The following REG4 variants were observed in gnomAD, a reference collection of about 807,000 sequenced individuals.
REG4 encodes regenerating family member 4.
Under a neutral mutation model 22.3 loss-of-function variants are expected in REG4, and 16 were observed. The observed-to-expected ratio is 0.72, with a 90% confidence interval of 0.49 to 1.09. The LOEUF is 1.09. Among genes scored for constraint, REG4 ranks in the 50% least tolerant of loss-of-function variants. The pLI is 0.00. For synonymous variants in REG4, 71 were observed against 69.2 expected (o/e 1.03, Z -0.13); for missense variants, 214 against 193.9 (o/e 1.10, Z -0.61).
chr1:119,796,889 A>T (rs149267649), intron 5 of REG4, among the ~76,000 whole-genome samples: 1 of 152,218 alleles, frequency 6.6e-6, no homozygotes, highest in South Asian at 2.1e-4. Flanking sequence ...ACTTTGTCCA[A>T]TGGGAATGTC....
At chr1:119,810,520 G>A in intron 1 of REG4, among the ~76,000 whole-genome samples, 1 of 152,128 alleles carries the variant, frequency 6.6e-6, no homozygotes, top group East Asian at 1.9e-4. Flanking sequence ...GTGTGGATGT[G>A]ACCTTCCCCA....
At chr1:119,795,847 C>A (rs1164736635) in intron 5 of REG4, among the ~76,000 whole-genome samples, 1 of 152,262 alleles carries the variant, frequency 6.6e-6, no homozygotes, top group Admixed American at 6.5e-5. Flanking sequence ...GAATACGGCA[C>A]AAGGCCATGG....
At chr1:119,801,470 A>G (rs1390591404) in intron 3 of REG4, 1 of 152,302 alleles carries the variant, frequency 6.6e-6, no homozygotes, top group Non-Finnish European at 1.5e-5. Flanking sequence ...TGCCCACTCT[A>G]TACCAGCCAC....
chr1:119,796,707 T>G (rs976998002), intron 5 of REG4, among the ~76,000 whole-genome samples: 2 of 152,164 alleles, frequency 1.3e-5, no homozygotes, highest in Non-Finnish European at 2.9e-5. Flanking sequence ...GAGCCTGTGT[T>G]CTGACAGCCA....
intron 2 of REG4, among the ~76,000 whole-genome samples, chr1:119,806,345 G>T (rs587762782): frequency 1.3e-5 from 2 of 152,200 alleles, no homozygotes; most frequent in East Asian, 1.9e-4. Flanking sequence ...TTATTCCTAC[G>T]TTCCAGATGA....
intron 2 of REG4, among the ~76,000 whole-genome samples, 190 bp downstream of exon 2, chr1:119,808,513 A>C (rs1654394419): frequency 6.6e-6 from 1 of 152,234 alleles, no homozygotes. Context: ...TTATAATCAT[A>C]TGGAATTGAG....
chr1:119,805,176 A>C (rs1304466123), intron 2 of REG4, among the ~76,000 whole-genome samples: 1 of 152,240 alleles, frequency 6.6e-6, no homozygotes, highest in Admixed American at 6.5e-5. Flanking sequence ...CAGGAGGAAA[A>C]GAAATCCTTG....
At chr1:119,806,956 C>T (rs924112317) in intron 2 of REG4, among the ~76,000 whole-genome samples, 4 of 152,204 alleles carry the variant, frequency 2.6e-5, no homozygotes, top group Non-Finnish European at 5.9e-5. Flanking sequence ...GTGATTAGCA[C>T]AGAGCCTAGT....
rs779238248 is a variant in REG4, at chr1:119,794,597, A to T, written c.*21T>A. The T allele has an allele frequency of 6.2e-7, 1 of 1,607,684 alleles. No individual in the cohort carries two copies. The highest frequency in any genetic ancestry group is 8.5e-7 in the Non-Finnish European group (1 of 1,174,038). On this transcript the variant is annotated 3_prime_UTR_variant, in exon 6 of 6. Transcript: ENST00000256585. Reference sequence around the variant, plus strand: ...AAGAGGACGGGGCTGTGCAGGAGTTAGCAGAATCTTGATTCTTGCTCTATG... The same window carrying T: ...AAGAGGACGGGGCTGTGCAGGAGTTTGCAGAATCTTGATTCTTGCTCTATG...
Position 119,799,852 on chromosome 1 carries a change from T to C in REG4, c.176A>G (p.Gln59Arg), listed in dbSNP as rs1422986901. Reference sequence around the variant, plus strand: ...CAGGTGGGCTCCGTTTCCGTAAGACTGACACTCGAGCTATGTACAAGGAGA... The same window carrying C: ...CAGGTGGGCTCCGTTTCCGTAAGACCGACACTCGAGCTATGTACAAGGAGA... ...RNWSDAELEC[Q>R]SYGNGAHLAS... Residue 59 changes from glutamine to arginine, a missense_variant, in exon 4 of 6, where the codon CAG becomes CGG. Physicochemically the swap from Gln to Arg is conservative, Grantham distance 43 (BLOSUM62 1). Coordinates refer to ENST00000256585, the MANE Select transcript of REG4 (RefSeq NM_032044.4). The C allele has an allele frequency of 2.5e-6, 4 of 1,614,046 alleles. No homozygotes were observed. Among genetic ancestry groups the C allele is most frequent in the Admixed American group, 3.3e-5 (2 of 60,036 alleles).
intron 5 of REG4, among the ~76,000 whole-genome samples, chr1:119,795,675 G>T (rs773295819): frequency 6.6e-6 from 1 of 152,218 alleles, no homozygotes; most frequent in Non-Finnish European, 1.5e-5. Flanking sequence ...ACCCTGGGGA[G>T]AGGAGGGGGT....
At chr1:119,798,414 C>T (rs1043164885) in intron 5 of REG4, 83 bp downstream of exon 5, 3 of 1,060,090 alleles carry the variant, frequency 2.8e-6, no homozygotes, top group Non-Finnish European at 4.4e-6. Flanking sequence ...GCAGTGGTCC[C>T]CTGTGCCTAT....
rs1654402668 is a variant in REG4, at chr1:119,808,740, T to TA, written c.29dup (p.Leu11IlefsTer13). 1 of 1,613,886 alleles carries TA rather than the reference T, an allele frequency of 6.2e-7. No homozygotes were observed. The highest frequency in any genetic ancestry group is 1.3e-5 in the African/African-American group (1 of 74,922). The stretch of plus-strand genomic sequence containing the variant: ...CTGTTTTGGCCAGGCAGCTCAGCAA[T>TA]AGGAGCAGCCGCATGCTTCTGGAAG... On this transcript the variant is annotated frameshift_variant, in exon 2 of 6. Transcript: ENST00000256585. LOFTEE classifies it high-confidence loss of function.
intron 2 of REG4, among the ~76,000 whole-genome samples, chr1:119,807,068 GT>G (rs1654342697): frequency 6.6e-6 from 1 of 152,188 alleles, no homozygotes; most frequent in South Asian, 2.1e-4. Flanking sequence ...GCCAGATGAA[GT>G]TTTTTAGTGT....
At chr1:119,795,329 G>T (rs779527116) in intron 5 of REG4, among the ~76,000 whole-genome samples, 3 of 152,174 alleles carry the variant, frequency 2.0e-5, no homozygotes, top group African/African-American at 4.8e-5. Context: ...ATGCAGTGAG[G>T]ATCTGAGTGT....
Position 119,794,647 on chromosome 1 carries a change from G to C in REG4, c.448C>G (p.Gln150Glu), listed in dbSNP as rs1418577769. Residue 150 changes from glutamine (Q) to glutamate (E), a missense_variant, in exon 6 of 6, where the codon CAA (glutamine) becomes GAA (glutamate). Transcript: ENST00000256585. ...TWSSNECNKR[Q>E]HFLCKYRP ...GGTCGGTACTTGCACAGGAAGTGTTGGCGCTTGTTGCATTCGTTGCTGCTC... is the reference window on the plus strand; with the variant it reads ...GGTCGGTACTTGCACAGGAAGTGTTCGCGCTTGTTGCATTCGTTGCTGCTC... 4.3e-6 allele frequency: 7 copies of C among 1,614,022 alleles called. No individual in the cohort carries two copies. Among genetic ancestry groups the C allele is most frequent in the African/African-American group, 1.3e-5 (1 of 74,916 alleles).
At chr1:119,806,771 A>G (rs1174241737) in intron 2 of REG4, among the ~76,000 whole-genome samples, 2 of 152,222 alleles carry the variant, frequency 1.3e-5, no homozygotes, top group Admixed American at 6.5e-5. Context: ...AGCTTCTAGC[A>G]TCTTGCCTGG....
intron 5 of REG4, among the ~76,000 whole-genome samples, chr1:119,796,839 T>C (rs1653950308): frequency 6.6e-6 from 1 of 152,208 alleles, no homozygotes; most frequent in Non-Finnish European, 1.5e-5. Context: ...ATTTTGCTGA[T>C]GTGATCATCG....
chr1:119,794,960 A>T (rs1653892773), intron 5 of REG4, among the ~76,000 whole-genome samples: 1 of 152,174 alleles, frequency 6.6e-6, no homozygotes, highest in South Asian at 2.1e-4. Flanking sequence ...TTAAGAGAAA[A>T]GACCTGTCTC....
Sources: gnomAD v4.1 joint callset for allele counts (sites outside exome capture counted in the v4.1 genomes callset) on GRCh38, gnomAD v4.1.1 for gene constraint, MANE v1.5 for transcripts, NCBI Gene and HGNC (gene_info 2026-07-23, HGNC 2026-07-21) for gene names.